The following NCOR1 variants were observed in gnomAD, a reference collection of about 807,000 sequenced individuals.
NCOR1 encodes the protein protein phosphatase 1, regulatory subunit 109.
In NCOR1, 63 loss-of-function variants were observed where a neutral mutation model predicts 288.1. That is an observed-to-expected ratio of 0.22 (90% CI 0.18 to 0.27). The LOEUF is 0.27. Ranked by LOEUF, NCOR1 falls within the 10% of genes least tolerant of loss-of-function variation. NCOR1 has a pLI of 1.00. For missense variants in NCOR1, 2,397 were observed against 3,019.2 expected, an observed-to-expected ratio of 0.79 and a Z score of 4.83; for synonymous variants, 1,007 against 1,065.9, an observed-to-expected ratio of 0.94 and a Z score of 1.08.
rs1229437774 is a variant in NCOR1, at chr17:16,061,667, T to A, written c.5615A>T (p.Glu1872Val). ...ACACTGAACAGATCTCTTCTCCACC[T>A]CCAGGGTTTTCTGCTCTAGCTGCTG... ...EQQQLEQKTLEVEKRSVQCLY... is the reference protein window; with the variant it reads ...EQQQLEQKTLVVEKRSVQCLY... The change falls in exon 37 of 46, where the codon GAG becomes GTG. Residue 1872 changes from glutamate (E) to valine (V), a missense_variant. Coordinates refer to ENST00000268712, the MANE Select transcript of NCOR1 (RefSeq NM_006311.4). 4 of 1,614,128 alleles carry A rather than the reference T, an allele frequency of 2.5e-6. No individual in the cohort carries two copies. In the Admixed American group the frequency reaches 5.0e-5, roughly 20 times the overall value.
In NCOR1 at chr17:16,170,220, A is replaced by T. The variant is rs555988917; in HGVS notation, c.435+1583T>A. ...TTTAAATTACTCTTCATTGCATAAA[A>T]CTCAAAGAAAATGTGTGGGTACTTA... On this transcript the variant is annotated intron_variant, in intron 4 of 45. Coordinates refer to ENST00000268712, the MANE Select transcript of NCOR1 (RefSeq NM_006311.4). Among the ~76,000 whole-genome samples, 3 of 152,112 alleles carry T rather than the reference A, an allele frequency of 2.0e-5. No individual in the cohort carries two copies. In the South Asian group the frequency reaches 6.2e-4, roughly 32 times the overall value.
chr17:16,151,908 T>A, intron 8 of NCOR1, 38 bp downstream of exon 8: 3 of 1,429,600 alleles, frequency 2.1e-6, no homozygotes, highest in Non-Finnish European at 2.9e-6. Context: ...GAATATACGG[T>A]CTTTAATTGA....
rs1193666589 is a variant in NCOR1, at chr17:16,032,399, G to A, written c.7220C>T (p.Ala2407Val). The change falls in exon 46 of 46, where the codon GCG becomes GTG. Residue 2407 changes from alanine to valine, a missense_variant. By Grantham distance (64) the Ala-to-Val change is moderately conservative (BLOSUM62 0). Transcript: ENST00000268712. ...PPTPIACAPS[A>V]VNQAAPHQQN... Reference sequence around the variant, plus strand: ...TTGGTGAGGAGCTGCTTGGTTCACCGCAGAGGGAGCACATGCAATCGGTGT... The same window carrying A: ...TTGGTGAGGAGCTGCTTGGTTCACCACAGAGGGAGCACATGCAATCGGTGT... 9.3e-6 allele frequency: 15 copies of A among 1,613,976 alleles called. No individual in the cohort carries two copies. Among genetic ancestry groups the A allele is most frequent in the African/African-American group, 5.3e-5 (4 of 74,916 alleles).
At chr17:16,095,802 G>A (rs2066482904) in intron 21 of NCOR1, among the ~76,000 whole-genome samples, 1 of 151,486 alleles carries the variant, frequency 6.6e-6, no homozygotes, top group Admixed American at 6.6e-5. Context: ...CCTCTGCCCG[G>A]CCACCACCCC....
chr17:16,151,859 A>C, intron 8 of NCOR1, 87 bp downstream of exon 8: 1 of 1,047,930 alleles, frequency 9.5e-7, no homozygotes, highest in East Asian at 2.4e-5. Flanking sequence ...ACAATATATT[A>C]TAATAATGTC....
At chr17:16,179,583 A>T (rs190527866) in intron 3 of NCOR1, among the ~76,000 whole-genome samples, 2 of 152,236 alleles carry the variant, frequency 1.3e-5, no homozygotes, top group Non-Finnish European at 2.9e-5. Context: ...CTTCCAAAAA[A>T]TAGAGCTAGA....
rs1272418551 is a variant in NCOR1 at position 16,064,246 on chromosome 17, A to G, written c.5102-59T>C. 7 of 1,545,582 alleles carry G rather than the reference A, an allele frequency of 4.5e-6. No homozygotes were observed. In the East Asian group the frequency reaches 1.6e-4, roughly 36 times the overall value. ...AATATCAACTGACTGAGTATATCAA[A>G]CAATTCCGAAATTCTAAGTGACTGA... On this transcript the variant is annotated intron_variant, in intron 34 of 45. Transcript: ENST00000268712.
At chr17:16,126,323 T>C in intron 14 of NCOR1, 117 bp from the exon 15 acceptor site, 1 of 1,043,986 alleles carries the variant, frequency 9.6e-7, no homozygotes. Context: ...ATTTACAATG[T>C]AACTGGTGAT....
chr17:16,188,743 G>C (rs1389497942), intron 2 of NCOR1, among the ~76,000 whole-genome samples: 1 of 151,164 alleles, frequency 6.6e-6, no homozygotes, highest in Non-Finnish European at 1.5e-5. Flanking sequence ...GAATCAAATA[G>C]GCCAGGTGCT....
intron 40 of NCOR1, among the ~76,000 whole-genome samples, chr17:16,055,484 C>T (rs967454921): frequency 1.3e-5 from 2 of 152,088 alleles, no homozygotes; most frequent in East Asian, 1.9e-4. Context: ...TGAGAACACA[C>T]GGACACATGG....
At chr17:16,203,934 TATG>T (rs1003360217) in intron 1 of NCOR1, among the ~76,000 whole-genome samples, 5 of 152,184 alleles carry the variant, frequency 3.3e-5, no homozygotes, top group Non-Finnish European at 1.5e-5. Context: ...TAAAAATCTC[TATG>T]ATTTCTTTTT....
chr17:16,127,849 A>T (rs2074993743), intron 14 of NCOR1, among the ~76,000 whole-genome samples: 1 of 151,610 alleles, frequency 6.6e-6, no homozygotes, highest in East Asian at 1.9e-4. Flanking sequence ...ATAAGGGGGA[A>T]CTGCTTTATT....
chr17:16,071,415 A>G lies in NCOR1; in HGVS notation c.4146T>C (p.Ile1382=). The change falls in exon 30 of 46, where the codon ATT becomes ATC. Residue 1382 remains isoleucine (I), a synonymous_variant. Transcript: ENST00000268712. ...AGAGCCAAAACTTAGTTACCTGGGA[A>G]ATGGAACCCTCAATTATCGGCCGTG... ...QSTRPIIEGS[I]SQGTPIKFDN... 6.2e-7 allele frequency: 1 copy of G among 1,608,434 alleles called. No individual in the cohort carries two copies. The highest frequency in any genetic ancestry group is 8.5e-7 in the Non-Finnish European group (1 of 1,177,076).
intron 5 of NCOR1, among the ~76,000 whole-genome samples, chr17:16,160,067 GGT>G (rs1430392257): frequency 6.6e-6 from 1 of 151,972 alleles, no homozygotes; most frequent in Non-Finnish European, 1.5e-5. Context: ...CCTGACCTCA[GGT>G]GATCCACCTG....
intron 3 of NCOR1, among the ~76,000 whole-genome samples, chr17:16,181,215 G>GTA (rs1568520148): frequency 0.18 from 19,377 of 105,734 alleles, 1,435 homozygotes; most frequent in Middle Eastern, 0.29. Context: ...ATATGTATGT[G>GTA]TGTGTGTGTG....
chr17:16,211,777 A>G (rs531140326), intron 1 of NCOR1, among the ~76,000 whole-genome samples: 1 of 152,330 alleles, frequency 6.6e-6, no homozygotes, highest in East Asian at 1.9e-4. Flanking sequence ...GAACAGTATA[A>G]GTGTTCAAGG....
chr17:16,212,134 G>T (rs958534191), intron 1 of NCOR1, among the ~76,000 whole-genome samples: 2 of 151,918 alleles, frequency 1.3e-5, no homozygotes, highest in African/African-American at 4.8e-5. Flanking sequence ...GCATGGTGGC[G>T]CATGCCTGTA....
At chr17:16,131,265 A>G (rs982263607) in intron 14 of NCOR1, among the ~76,000 whole-genome samples, 20 of 152,128 alleles carry the variant, frequency 1.3e-4, no homozygotes, top group African/African-American at 4.8e-4. Flanking sequence ...GGCTCAAGCA[A>G]TCCTCCTCCC....
chr17:16,061,416 C>A lies in NCOR1; in HGVS notation c.5866G>T (p.Asp1956Tyr). The A allele has an allele frequency of 6.2e-7, 1 of 1,614,124 alleles. No individual in the cohort carries two copies. The highest frequency in any genetic ancestry group is 8.5e-7 in the Non-Finnish European group (1 of 1,179,988). The change falls in exon 37 of 46, where the codon GAC (aspartate) becomes TAC (tyrosine). Residue 1956 changes from aspartate (D) to tyrosine (Y), a missense_variant. Physicochemically the swap from Asp to Tyr is radical, Grantham distance 160. This residue lies in a region of NCOR1 where 1,872 missense variants were observed against 2,187.8 expected (regional missense o/e 0.86). Transcript: ENST00000268712. ...DARERGSQSS[D>Y]SSSSLSSHRY... ...AGATACATACAGCTACTAGAAGAGT[C>A]TGAACTTTGAGAGCCACGTTCCCTC...
Sources: allele counts gnomAD v4.1 joint callset (sites outside exome capture counted in the v4.1 genomes callset), GRCh38; gene constraint gnomAD v4.1.1; regional missense constraint gnomAD v4.1.1; transcripts MANE v1.5; gene names NCBI Gene and HGNC (gene_info 2026-07-23, HGNC 2026-07-21).